RHOJ: variants seen among roughly 807,000 people sequenced by gnomAD.
The protein encoded by RHOJ is rho-related GTP-binding protein RhoJ.
A neutral mutation model predicts 23.4 loss-of-function variants in RHOJ; 11 were observed. The observed-to-expected ratio is 0.47, with a 90% CI of 0.30 to 0.78. The LOEUF is 0.78. RHOJ is among the 30% of genes least tolerant of loss of function. The pLI, the probability that RHOJ is intolerant of heterozygous loss-of-function variation, is 0.08. For synonymous variants in RHOJ, 102 were observed against 102.7 expected, an observed-to-expected ratio of 0.99 and a Z score of 0.04; for missense variants, 254 against 273.4, an observed-to-expected ratio of 0.93 and a Z score of 0.50.
rs1261411528 is a variant in RHOJ at position 63,204,522 on chromosome 14, T to G, written c.-348T>G. On this transcript the variant is annotated 5_prime_UTR_variant, in exon 1 of 5. Coordinates refer to ENST00000316754, the MANE Select transcript of RHOJ (RefSeq NM_020663.5). ...TTTAGCAAAATTCCACCGTATCTTT[T>G]GCCAGGCTAGAGACAGGGAGAGCAG... 4.3e-6 allele frequency: 1 copy of G among 232,748 alleles called. No homozygotes were observed. 14.4% of individuals were successfully genotyped at this position (232,748 alleles called of 1,614,324 possible).
chr14:63,293,095 G>C lies in RHOJ; in HGVS notation c.*2071G>C, dbSNP rs549164082. 2 of 152,306 alleles carry C rather than the reference G, an allele frequency of 1.3e-5. No homozygotes were observed. Among genetic ancestry groups the C allele is most frequent in the South Asian group, 4.1e-4 (2 of 4,822 alleles). The allele number at this position is 152,306 out of a possible 1,614,324, so 9.4% of individuals were successfully genotyped here. On this transcript the variant is annotated 3_prime_UTR_variant, in exon 5 of 5. Transcript: ENST00000316754. Reference sequence around the variant, plus strand: ...AAGCTTGACATTTAGAGAAAACAAGGACTTTCTGCCTTTATAAATGGAAAT... The same window carrying C: ...AAGCTTGACATTTAGAGAAAACAAGCACTTTCTGCCTTTATAAATGGAAAT...
At chr14:63,258,482 T>G (rs73268326) in intron 1 of RHOJ, among the ~76,000 whole-genome samples, 9,323 of 151,880 alleles carry the variant, frequency 0.061, 362 homozygotes, top group East Asian at 0.19. Flanking sequence ...ATAAATGTTC[T>G]ATGTTGGGAC....
chr14:63,283,517 G>C (rs2139666356), intron 4 of RHOJ, among the ~76,000 whole-genome samples: 1 of 152,314 alleles, frequency 6.6e-6, no homozygotes, highest in East Asian at 1.9e-4. Context: ...TATTTAGTAT[G>C]AATATAGGGA....
chr14:63,288,526 G>A (rs537585560), intron 4 of RHOJ, among the ~76,000 whole-genome samples: 1 of 152,310 alleles, frequency 6.6e-6, no homozygotes, highest in South Asian at 2.1e-4. Flanking sequence ...CTTTTCACAT[G>A]TGTTTGAATC....
In RHOJ at chr14:63,212,452, G is replaced by C. The variant is rs1356305998; in HGVS notation, c.178+7405G>C. Among the ~76,000 whole-genome samples, 3 of 152,220 alleles carry C rather than the reference G, an allele frequency of 2.0e-5. No individual in the cohort carries two copies. In the East Asian group the frequency reaches 5.8e-4, roughly 29 times the overall value. On this transcript the variant is annotated intron_variant, in intron 1 of 4. Transcript: ENST00000316754. ...AGAGTTGCATTCTGGCACTGCAACTGTGTCAAAGACCAGCATCTGTTAAGT... is the reference window on the plus strand; with the variant it reads ...AGAGTTGCATTCTGGCACTGCAACTCTGTCAAAGACCAGCATCTGTTAAGT...
chr14:63,206,860 G>A (rs1464450692), intron 1 of RHOJ, among the ~76,000 whole-genome samples: 1 of 152,132 alleles, frequency 6.6e-6, no homozygotes, highest in African/African-American at 2.4e-5. Context: ...TATACTCAGA[G>A]CAATACTTTG....
intron 3 of RHOJ, 100 bp from the exon 4 acceptor site, chr14:63,283,021 A>T (rs1881959265): frequency 1.1e-6 from 1 of 935,952 alleles, no homozygotes; most frequent in Admixed American, 2.3e-5. Flanking sequence ...TAGCAACTTC[A>T]AAGATGTTAA....
At chr14:63,230,199 C>A (rs563062727) in intron 1 of RHOJ, among the ~76,000 whole-genome samples, 1 of 143,102 alleles carries the variant, frequency 7.0e-6, no homozygotes, top group Non-Finnish European at 1.5e-5. Flanking sequence ...AAAAAAAAAA[C>A]TAGTAAGTCC....
intron 2 of RHOJ, among the ~76,000 whole-genome samples, chr14:63,276,796 G>A (rs886630894): frequency 1.3e-5 from 2 of 152,188 alleles, no homozygotes; most frequent in Non-Finnish European, 2.9e-5. Context: ...TCCTTTGATA[G>A]CCACTGGGTT....
At chr14:63,265,627 CA>C (rs1228870777) in intron 1 of RHOJ, among the ~76,000 whole-genome samples, 1 of 152,104 alleles carries the variant, frequency 6.6e-6, no homozygotes, top group Non-Finnish European at 1.5e-5. Context: ...TATTCTGAGC[CA>C]AATATAAAAA....
intron 1 of RHOJ, among the ~76,000 whole-genome samples, chr14:63,207,522 A>G (rs549122566): frequency 9.1e-4 from 139 of 152,334 alleles, no homozygotes; most frequent in African/African-American, 3.2e-3. Flanking sequence ...CCTGGGTCCT[A>G]CTGGCCTACT....
intron 1 of RHOJ, among the ~76,000 whole-genome samples, chr14:63,261,474 G>A (rs865785637): frequency 5.9e-5 from 9 of 151,390 alleles, no homozygotes; most frequent in African/African-American, 2.2e-4. Flanking sequence ...TGTTACCCAA[G>A]CTCTGGAGTG....
intron 1 of RHOJ, among the ~76,000 whole-genome samples, chr14:63,222,602 T>A (rs571837741): frequency 6.6e-6 from 1 of 152,370 alleles, no homozygotes; most frequent in African/African-American, 2.4e-5. Flanking sequence ...TTCATGTGTC[T>A]GTTGGCTGTG....
chr14:63,271,813 G>C (rs560118059), intron 2 of RHOJ, among the ~76,000 whole-genome samples: 1 of 152,056 alleles, frequency 6.6e-6, no homozygotes, highest in Non-Finnish European at 1.5e-5. Context: ...GCCCAGGCTC[G>C]TCTCAAACTC....
chr14:63,248,945 A>G (rs1452808700), intron 1 of RHOJ, among the ~76,000 whole-genome samples: 1 of 151,990 alleles, frequency 6.6e-6, no homozygotes, highest in Non-Finnish European at 1.5e-5. Context: ...CTCCACCCTC[A>G]CTCAAAGAAA....
At chr14:63,223,762 ACT>A (rs1477345678) in intron 1 of RHOJ, among the ~76,000 whole-genome samples, 1 of 151,986 alleles carries the variant, frequency 6.6e-6, no homozygotes, top group Non-Finnish European at 1.5e-5. Flanking sequence ...CCCTACACAA[ACT>A]CTGCTTTTTC....
chr14:63,280,123 A>G (rs2139663657), intron 2 of RHOJ, among the ~76,000 whole-genome samples: 1 of 152,276 alleles, frequency 6.6e-6, no homozygotes. Flanking sequence ...TCCCAGGCTC[A>G]AGCCATCCTC....
At chr14:63,280,881 G>A in intron 2 of RHOJ, 90 bp from the exon 3 acceptor site, 1 of 1,260,998 alleles carries the variant, frequency 7.9e-7, no homozygotes, top group African/African-American at 1.5e-5. Context: ...CCAGTGCGCT[G>A]TAGTGGACTC....
intron 1 of RHOJ, among the ~76,000 whole-genome samples, chr14:63,242,665 T>C (rs572901056): frequency 6.6e-6 from 1 of 152,344 alleles, no homozygotes; most frequent in Non-Finnish European, 1.5e-5. Context: ...TGGAGAAGCC[T>C]GGCTGTGATG....
Sources: allele counts gnomAD v4.1 joint callset (sites outside exome capture counted in the v4.1 genomes callset), GRCh38; gene constraint gnomAD v4.1.1; transcripts MANE v1.5; gene names NCBI Gene and HGNC (gene_info 2026-07-23, HGNC 2026-07-21).